Variants in RGL1 observed in about 807,000 individuals in gnomAD.
RGL1 encodes the protein ral guanine nucleotide dissociation stimulator-like 1.
RGL1 carries 24 observed loss-of-function variants against 95.2 expected under a neutral mutation model. The observed-to-expected ratio is 0.25, with a 90% CI of 0.18 to 0.35. The LOEUF is 0.35. Ranked by LOEUF, RGL1 falls within the 10% of genes least tolerant of loss-of-function variation. The pLI is 1.00. For synonymous variants in RGL1, 329 were observed against 344.9 expected, an observed-to-expected ratio of 0.95 and a Z score of 0.51; for missense variants, 715 against 936.3, an observed-to-expected ratio of 0.76 and a Z score of 3.08.
chr1:183,828,482 G>T (rs1390290221), intron 2 of RGL1, among the ~76,000 whole-genome samples: 1 of 152,132 alleles, frequency 6.6e-6, no homozygotes, highest in Non-Finnish European at 1.5e-5. Flanking sequence ...AGCAAATGGG[G>T]GGCCTGACCT....
chr1:183,637,910 T>C (rs1649661756), intron 1 of RGL1, among the ~76,000 whole-genome samples: 1 of 152,150 alleles, frequency 6.6e-6, no homozygotes, highest in South Asian at 2.1e-4. Flanking sequence ...TTACAATTTT[T>C]TTTCAGTTTC....
chr1:183,731,478 A>G (rs1256912917), intron 1 of RGL1, among the ~76,000 whole-genome samples: 1 of 152,196 alleles, frequency 6.6e-6, no homozygotes, highest in Non-Finnish European at 1.5e-5. Context: ...TTGGTAGAAA[A>G]GGTAGCACAG....
intron 1 of RGL1, among the ~76,000 whole-genome samples, chr1:183,730,025 T>C (rs1656536849): frequency 6.6e-6 from 1 of 152,180 alleles, no homozygotes; most frequent in Non-Finnish European, 1.5e-5. Flanking sequence ...GGAAATGTTC[T>C]AATCTTGACT....
intron 2 of RGL1, among the ~76,000 whole-genome samples, chr1:183,750,454 G>T (rs1218667558): frequency 6.6e-6 from 1 of 152,180 alleles, no homozygotes; most frequent in South Asian, 2.1e-4. Context: ...CTAGTTAGCA[G>T]TTCCTGTAAC....
chr1:183,699,458 G>A (rs1451105446), intron 1 of RGL1, among the ~76,000 whole-genome samples: 1 of 152,086 alleles, frequency 6.6e-6, no homozygotes, highest in Non-Finnish European at 1.5e-5. Context: ...TGTATAATCA[G>A]TCTATTTAGA....
At chr1:183,794,825 G>A (rs78271231) in intron 2 of RGL1, among the ~76,000 whole-genome samples, 5,654 of 152,180 alleles carry the variant, frequency 0.037, 267 homozygotes, top group East Asian at 0.24. Context: ...CTTTAAGAGC[G>A]AGTACCACCT....
At chr1:183,811,900 C>A (rs1661743020) in intron 2 of RGL1, among the ~76,000 whole-genome samples, 1 of 152,092 alleles carries the variant, frequency 6.6e-6, no homozygotes, top group Admixed American at 6.5e-5. Context: ...ATATTTTATT[C>A]TTATTTCTGT....
chr1:183,791,302 G>A (rs1015600906), intron 2 of RGL1, among the ~76,000 whole-genome samples: 2 of 152,162 alleles, frequency 1.3e-5, no homozygotes, highest in African/African-American at 4.8e-5. Flanking sequence ...ACAATCCACA[G>A]TTGATTTTCT....
chr1:183,823,163 G>A (rs572404258), intron 2 of RGL1, among the ~76,000 whole-genome samples: 1 of 151,980 alleles, frequency 6.6e-6, no homozygotes, highest in African/African-American at 2.4e-5. Context: ...GTTAAATATT[G>A]GCAGCTTCAT....
intron 3 of RGL1, among the ~76,000 whole-genome samples, chr1:183,859,190 G>A (rs1167955190): frequency 6.6e-6 from 1 of 152,188 alleles, no homozygotes; most frequent in Non-Finnish European, 1.5e-5. Flanking sequence ...TGAACTAGAA[G>A]TGGAAGGAGT....
intron 17 of RGL1, among the ~76,000 whole-genome samples, chr1:183,922,551 T>A (rs1053420927): frequency 7.2e-5 from 11 of 152,186 alleles, no homozygotes; most frequent in African/African-American, 2.4e-4. Flanking sequence ...AGCTCTTGTT[T>A]TTCCTGCGAT....
chr1:183,774,834 A>C (rs1442687020), intron 2 of RGL1, among the ~76,000 whole-genome samples: 2 of 152,034 alleles, frequency 1.3e-5, no homozygotes, highest in Non-Finnish European at 2.9e-5. Context: ...TCAGGCTCCC[A>C]AAGTACTGGG....
At chr1:183,781,482 C>G (rs190756122) in intron 2 of RGL1, among the ~76,000 whole-genome samples, 15 of 152,202 alleles carry the variant, frequency 9.9e-5, no homozygotes, top group African/African-American at 2.9e-4. Context: ...GAAACCTAAA[C>G]TAGGCCCCGG....
chr1:183,650,498 C>A (rs905812053), intron 1 of RGL1, among the ~76,000 whole-genome samples: 1 of 152,036 alleles, frequency 6.6e-6, no homozygotes, highest in South Asian at 2.1e-4. Flanking sequence ...AGCCAACATC[C>A]CACCACTGCA....
chr1:183,736,446 G>T (rs1374593564), intron 1 of RGL1, among the ~76,000 whole-genome samples: 1 of 152,196 alleles, frequency 6.6e-6, no homozygotes, highest in Non-Finnish European at 1.5e-5. Flanking sequence ...GTTACACAGA[G>T]AATTAACTGT....
intron 4 of RGL1, among the ~76,000 whole-genome samples, chr1:183,874,890 A>G (rs1178125554): frequency 1.3e-5 from 2 of 152,170 alleles, no homozygotes; most frequent in African/African-American, 2.4e-5. Context: ...TTCTATGATT[A>G]GGAGAACAAG....
chr1:183,916,815 T>A, intron 16 of RGL1, 114 bp downstream of exon 16: 1 of 1,206,958 alleles, frequency 8.3e-7, no homozygotes, highest in Non-Finnish European at 1.2e-6. Flanking sequence ...AGCATATACA[T>A]ATATGCATTC....
chr1:183,793,647 T>C (rs191125382), intron 2 of RGL1, among the ~76,000 whole-genome samples: 14 of 151,642 alleles, frequency 9.2e-5, no homozygotes, highest in African/African-American at 3.4e-4. Flanking sequence ...AAAAAAGACA[T>C]ACAATTTGCC....
intron 4 of RGL1, among the ~76,000 whole-genome samples, chr1:183,871,971 G>A (rs1417582777): frequency 1.4e-5 from 2 of 146,072 alleles, no homozygotes; most frequent in African/African-American, 2.7e-5. Context: ...TGATGGTAGG[G>A]CTAGACTGAT....
Sources: allele counts gnomAD v4.1 joint callset (sites outside exome capture counted in the v4.1 genomes callset), GRCh38; gene constraint gnomAD v4.1.1; transcripts MANE v1.5; gene names NCBI Gene and HGNC (gene_info 2026-07-23, HGNC 2026-07-21).